Variants in CTNND2 observed in about 807,000 individuals in gnomAD.
The protein encoded by CTNND2 is catenin delta-2.
Under a neutral mutation model 144.4 loss-of-function variants are expected in CTNND2, and 22 were observed. The ratio of observed to expected loss-of-function variants is 0.15; its 90% CI spans 0.11 to 0.22. The LOEUF (loss-of-function observed/expected upper bound fraction) is 0.22, where lower values mean the gene tolerates loss of function less well. Ranked by LOEUF, CTNND2 falls within the 10% of genes least tolerant of loss-of-function variation. The pLI, the probability that CTNND2 is intolerant of heterozygous loss-of-function variation, is 1.00. For missense variants in CTNND2, 1,353 were observed against 1,618.8 expected (o/e 0.84, Z 2.82); for synonymous variants, 751 against 695.6 (o/e 1.08, Z -1.25).
intron 1 of CTNND2, among the ~76,000 whole-genome samples, chr5:11,868,143 C>T (rs147451102): frequency 9.9e-4 from 151 of 152,082 alleles, no homozygotes; most frequent in Non-Finnish European, 1.8e-3. Flanking sequence ...GTGACGCATG[C>T]GCAGGGGTGT....
At chr5:11,228,199 G>T (rs1397335812) in intron 10 of CTNND2, among the ~76,000 whole-genome samples, 1 of 151,626 alleles carries the variant, frequency 6.6e-6, no homozygotes, top group Admixed American at 6.6e-5. Flanking sequence ...AAAATTTTTA[G>T]CCAGGCGTGG....
rs1479015973 is a variant in CTNND2 at position 11,234,855 on chromosome 5, A to C, written c.1761+1836T>G. On this transcript the variant is annotated intron_variant, in intron 10 of 21. Coordinates refer to ENST00000304623, the MANE Select transcript of CTNND2 (RefSeq NM_001332.4). ...TGCCCCACATCTGAGCAAGCTGATA[A>C]AACTCAAGAGCTTCCTTTTTTGGTA... 6.6e-5 allele frequency among the ~76,000 whole-genome samples: 10 copies of C among 152,266 alleles called. No homozygotes were observed. In the South Asian group the frequency reaches 2.1e-3, roughly 32 times the overall value.
At chr5:11,304,014 C>T (rs553738862) in intron 9 of CTNND2, among the ~76,000 whole-genome samples, 34 of 152,204 alleles carry the variant, frequency 2.2e-4, no homozygotes, top group East Asian at 9.7e-4. Flanking sequence ...TCTTGCCTGC[C>T]GCCATGTAAG....
intron 3 of CTNND2, among the ~76,000 whole-genome samples, chr5:11,414,348 T>C (rs747918249): frequency 5.3e-5 from 8 of 152,168 alleles, no homozygotes; most frequent in Non-Finnish European, 7.4e-5. Context: ...AGGAAACAGA[T>C]ACAACAAAAA....
chr5:11,537,904 A>G (rs530419885), intron 3 of CTNND2, among the ~76,000 whole-genome samples: 2 of 152,338 alleles, frequency 1.3e-5, no homozygotes, highest in African/African-American at 2.4e-5. Context: ...GAATGGACTC[A>G]TAAGTGCTGC....
At chr5:11,103,478 C>T (rs967743088) in intron 14 of CTNND2, among the ~76,000 whole-genome samples, 20 of 151,958 alleles carry the variant, frequency 1.3e-4, no homozygotes, top group Admixed American at 5.9e-4. Context: ...TGAGACCAGC[C>T]TGGCCAACGT....
chr5:11,297,143 T>C (rs1032103325), intron 9 of CTNND2, among the ~76,000 whole-genome samples: 2 of 152,184 alleles, frequency 1.3e-5, no homozygotes, highest in Non-Finnish European at 2.9e-5. Context: ...CAGATGTTCA[T>C]AAAAGACAAA....
intron 1 of CTNND2, among the ~76,000 whole-genome samples, chr5:11,748,115 T>C (rs1270636483): frequency 6.6e-6 from 1 of 152,120 alleles, no homozygotes; most frequent in African/African-American, 2.4e-5. Flanking sequence ...AAAACCGAGT[T>C]TCAACTACTC....
intron 1 of CTNND2, among the ~76,000 whole-genome samples, chr5:11,883,566 T>G (rs1230361040): frequency 6.6e-6 from 1 of 152,232 alleles, no homozygotes; most frequent in Non-Finnish European, 1.5e-5. Context: ...ATATTTTATT[T>G]ATCCAGTCTA....
At chr5:11,388,090 A>G (rs1306459672) in intron 6 of CTNND2, among the ~76,000 whole-genome samples, 1 of 152,226 alleles carries the variant, frequency 6.6e-6, no homozygotes, top group Non-Finnish European at 1.5e-5. Context: ...TTTAGATATT[A>G]TAGGATCTTG....
chr5:11,840,809 A>C (rs1033376619), intron 1 of CTNND2, among the ~76,000 whole-genome samples: 2 of 152,176 alleles, frequency 1.3e-5, no homozygotes, highest in African/African-American at 4.8e-5. Context: ...TAAAATAAGA[A>C]ATACCCAAAA....
At position 11,289,359 on chromosome 5, in the gene CTNND2, C is replaced by T. The variant is rs185865301; in HGVS notation, c.1629-52536G>A. Among the ~76,000 whole-genome samples the T allele has an allele frequency of 1.6e-3, 251 of 152,328 alleles. 2 individuals are homozygous for T. Among genetic ancestry groups the T allele is most frequent in the Non-Finnish European group, 2.9e-3 (195 of 68,036 alleles). On this transcript the variant is annotated intron_variant, in intron 9 of 21. Transcript: ENST00000304623. Reference sequence around the variant, plus strand: ...CCATATCCCAGTGGAGGAACAGCTACCGAGTAGCACAGGGGAAAACATTCT... The same window carrying T: ...CCATATCCCAGTGGAGGAACAGCTATCGAGTAGCACAGGGGAAAACATTCT...
At chr5:11,649,551 G>A (rs887131681) in intron 2 of CTNND2, among the ~76,000 whole-genome samples, 3 of 152,076 alleles carry the variant, frequency 2.0e-5, no homozygotes, top group East Asian at 1.9e-4. Flanking sequence ...AACTGACCTC[G>A]TGATCCACCT....
chr5:11,732,301 A>T (rs780782676), intron 1 of CTNND2, 29 bp from the exon 2 acceptor site: 5 of 1,603,124 alleles, frequency 3.1e-6, no homozygotes, highest in Non-Finnish European at 3.4e-6. Context: ...TGATCAATAC[A>T]ATCAGATGTT....
rs1227396453 is a variant in CTNND2 at position 10,988,253 on chromosome 5, A to G, written c.3212-11T>C. The stretch of plus-strand genomic sequence containing the variant: ...AAGCTGGGGCACTTGCTACATAAAG[A>G]AATCAAAAGGGGGATTTTCTGCATC... On this transcript the variant is annotated splice_polypyrimidine_tract_variant and intron_variant, in intron 19 of 21. Transcript: ENST00000304623. The surrounding 1 kb of genome is among the most constrained non-coding windows in gnomAD (Gnocchi z 5.9). The G allele has an allele frequency of 5.6e-6, 9 of 1,613,952 alleles. No individual in the cohort carries two copies. The highest frequency in any genetic ancestry group is 2.7e-5 in the African/African-American group (2 of 74,938).
chr5:11,690,771 A>AAAAG (rs1784873078), intron 2 of CTNND2, among the ~76,000 whole-genome samples: 1 of 147,260 alleles, frequency 6.8e-6, no homozygotes, highest in Non-Finnish European at 1.5e-5. Flanking sequence ...AAAAAAAAAA[A>AAAAG]AAAGAAATCT....
At chr5:11,473,580 C>T (rs1190869708) in intron 3 of CTNND2, among the ~76,000 whole-genome samples, 2 of 152,202 alleles carry the variant, frequency 1.3e-5, no homozygotes, top group Non-Finnish European at 2.9e-5. Flanking sequence ...ACTCAACATA[C>T]ACTCAACAAC....
chr5:11,502,044 AAAAAAAAAAG>A (rs1770577448), intron 3 of CTNND2, among the ~76,000 whole-genome samples: 1 of 133,348 alleles, frequency 7.5e-6, no homozygotes, highest in African/African-American at 2.9e-5. Context: ...AAAAAAAAAA[AAAAAAAAAAG>A]AAGGGGCAGG....
chr5:11,443,216 G>A (rs1435905394), intron 3 of CTNND2, among the ~76,000 whole-genome samples: 5 of 140,096 alleles, frequency 3.6e-5, no homozygotes, highest in Non-Finnish European at 6.2e-5. Context: ...GTATGTGTGT[G>A]TGGTGTGTAT....
Sources: allele counts gnomAD v4.1 joint callset (sites outside exome capture counted in the v4.1 genomes callset), GRCh38; gene constraint gnomAD v4.1.1; non-coding constraint Gnocchi (gnomAD v3.1); transcripts MANE v1.5; gene names NCBI Gene and HGNC (gene_info 2026-07-23, HGNC 2026-07-21).